Variants in WDR70 observed in about 807,000 individuals in gnomAD.
WDR70 encodes the protein WD repeat-containing protein 70.
A neutral mutation model predicts 88.6 loss-of-function variants in WDR70; 53 were observed. The ratio of observed to expected loss-of-function variants is 0.60; its 90% CI spans 0.48 to 0.75. The LOEUF is 0.75. WDR70 is among the 30% of genes least tolerant of loss of function. The pLI is 0.00. For missense variants in WDR70, 610 were observed against 823.2 expected (o/e 0.74, Z 3.17); for synonymous variants, 280 against 270.0 (o/e 1.04, Z -0.36).
At chr5:37,602,069 G>C (rs1743899508) in intron 9 of WDR70, among the ~76,000 whole-genome samples, 1 of 151,582 alleles carries the variant, frequency 6.6e-6, no homozygotes, top group African/African-American at 2.4e-5. Flanking sequence ...GGGCCTGTCG[G>C]GGGGTGGGAG....
intron 8 of WDR70, among the ~76,000 whole-genome samples, chr5:37,508,329 T>C (rs1415141088): frequency 6.6e-6 from 1 of 152,098 alleles, no homozygotes; most frequent in African/African-American, 2.4e-5. Flanking sequence ...CATATGAAGA[T>C]ACAGGAGAAG....
In WDR70 at chr5:37,420,807, G is replaced by A. The variant is rs762979427; in HGVS notation, c.493-17115G>A. Among the ~76,000 whole-genome samples the A allele has an allele frequency of 2.2e-4, 34 of 152,176 alleles. 1 individual carries two copies. Among genetic ancestry groups the A allele is most frequent in the East Asian group, 9.7e-4 (5 of 5,176 alleles). ...TACGTGCCTGTAGTCCCAGCTACTC[G>A]GGAGGCTAAGGCAGGAGAATCACTT... On this transcript the variant is annotated intron_variant, in intron 5 of 17. Coordinates refer to ENST00000265107, the MANE Select transcript of WDR70 (RefSeq NM_018034.4).
chr5:37,438,052 T>TA (rs1750531585), intron 6 of WDR70, 71 bp downstream of exon 6: 1 of 1,323,678 alleles, frequency 7.6e-7, no homozygotes, highest in Non-Finnish European at 1.0e-6. Flanking sequence ...ACTGATAAGA[T>TA]ACATTTGTAT....
intron 5 of WDR70, among the ~76,000 whole-genome samples, chr5:37,401,853 T>C (rs917668746): frequency 1.3e-5 from 2 of 152,222 alleles, no homozygotes; most frequent in African/African-American, 4.8e-5. Flanking sequence ...CCTCCACACC[T>C]GTATACAGAG....
chr5:37,685,464 C>T (rs1050274431), intron 10 of WDR70, among the ~76,000 whole-genome samples: 2 of 152,096 alleles, frequency 1.3e-5, no homozygotes, highest in South Asian at 2.1e-4. Context: ...CCAGGGTTGC[C>T]GAGGCTGCAC....
At chr5:37,587,505 A>G (rs1303570493) in intron 9 of WDR70, among the ~76,000 whole-genome samples, 1 of 151,734 alleles carries the variant, frequency 6.6e-6, no homozygotes, top group Non-Finnish European at 1.5e-5. Context: ...CCCAAAAGTC[A>G]CACCTCTATA....
intron 3 of WDR70, among the ~76,000 whole-genome samples, chr5:37,384,408 C>T (rs1233059919): frequency 2.0e-5 from 3 of 151,758 alleles, no homozygotes; most frequent in Non-Finnish European, 4.4e-5. Flanking sequence ...GTGGATCACG[C>T]CTGTAATCCC....
intron 17 of WDR70, among the ~76,000 whole-genome samples, chr5:37,736,402 G>A (rs1262761283): frequency 1.3e-5 from 2 of 152,130 alleles, no homozygotes; most frequent in Non-Finnish European, 2.9e-5. Flanking sequence ...ATGTTGAGTT[G>A]TAGGCAATAT....
intron 6 of WDR70, among the ~76,000 whole-genome samples, chr5:37,439,006 C>T (rs1160177883): frequency 6.7e-6 from 1 of 150,004 alleles, no homozygotes; most frequent in East Asian, 2.0e-4. Flanking sequence ...CAAGCTCCAA[C>T]TCCCGGGTTC....
At chr5:37,678,781 C>G (rs1299483707) in intron 10 of WDR70, among the ~76,000 whole-genome samples, 3 of 150,110 alleles carry the variant, frequency 2.0e-5, no homozygotes, top group African/African-American at 7.4e-5. Context: ...GTTAGCCTGC[C>G]TTGCTAGATT....
At chr5:37,417,581 C>G (rs1749800822) in intron 5 of WDR70, among the ~76,000 whole-genome samples, 1 of 151,542 alleles carries the variant, frequency 6.6e-6, no homozygotes, top group Non-Finnish European at 1.5e-5. Context: ...CTCTGTTGCC[C>G]AGCCTGGAGT....
At chr5:37,663,666 A>G (rs1476443089) in intron 10 of WDR70, among the ~76,000 whole-genome samples, 1 of 152,190 alleles carries the variant, frequency 6.6e-6, no homozygotes, top group East Asian at 1.9e-4. Flanking sequence ...TTGGAAAAAT[A>G]GGGACAATAG....
At chr5:37,669,580 A>G (rs1298104631) in intron 10 of WDR70, among the ~76,000 whole-genome samples, 3 of 152,078 alleles carry the variant, frequency 2.0e-5, no homozygotes, top group African/African-American at 7.2e-5. Flanking sequence ...TTGTCAGACC[A>G]CTGCTGGTAC....
intron 17 of WDR70, among the ~76,000 whole-genome samples, chr5:37,734,311 G>A (rs888954709): frequency 1.3e-5 from 2 of 151,948 alleles, no homozygotes; most frequent in Admixed American, 6.6e-5. Context: ...TCAAATATCA[G>A]CAGTTTTATA....
At chr5:37,484,006 G>A (rs896139872) in intron 8 of WDR70, among the ~76,000 whole-genome samples, 9 of 151,992 alleles carry the variant, frequency 5.9e-5, no homozygotes, top group Non-Finnish European at 1.3e-4. Context: ...GGGCGGCCGG[G>A]CAGAGACGCT....
rs7727395 is a variant in WDR70 at position 37,432,749 on chromosome 5, C to T, written c.493-5173C>T. On this transcript the variant is annotated intron_variant, in intron 5 of 17. Coordinates refer to ENST00000265107, the MANE Select transcript of WDR70 (RefSeq NM_018034.4). ...CTAACTTTTTGTATTTTAGTAGAGA[C>T]GGGATTTTGCCATGTTGGCCAGGGT... Among the ~76,000 whole-genome samples, 1,329 of 151,462 alleles carry T rather than the reference C, an allele frequency of 8.8e-3. 24 individuals are homozygous for T. Among genetic ancestry groups the T allele is most frequent in the African/African-American group, 0.03 (1,253 of 41,158 alleles).
At chr5:37,421,655 T>A (rs1478246633) in intron 5 of WDR70, among the ~76,000 whole-genome samples, 1 of 152,130 alleles carries the variant, frequency 6.6e-6, no homozygotes, top group East Asian at 1.9e-4. Context: ...TGTGTATTAA[T>A]CTTTATTCTA....
intron 13 of WDR70, among the ~76,000 whole-genome samples, chr5:37,711,516 G>T (rs188886245): frequency 6.6e-6 from 1 of 152,278 alleles, no homozygotes; most frequent in African/African-American, 2.4e-5. Context: ...CATGGAGTTG[G>T]AGAACAGCTG....
chr5:37,611,956 A>C (rs1165581344), intron 10 of WDR70, among the ~76,000 whole-genome samples: 1 of 152,158 alleles, frequency 6.6e-6, no homozygotes, highest in Non-Finnish European at 1.5e-5. Context: ...CCAATGGTTA[A>C]GACTGTGCTT....
Sources: gnomAD v4.1 joint callset for allele counts (sites outside exome capture counted in the v4.1 genomes callset) on GRCh38, gnomAD v4.1.1 for gene constraint, MANE v1.5 for transcripts, NCBI Gene and HGNC (gene_info 2026-07-23, HGNC 2026-07-21) for gene names.